The following PDLIM4 variants were observed in gnomAD, a reference collection of about 807,000 sequenced individuals.
The protein encoded by PDLIM4 is PDZ and LIM domain 4.
PDLIM4 carries 19 observed loss-of-function variants against 31.3 expected under a neutral mutation model. The observed-to-expected ratio is 0.61, with a 90% CI of 0.42 to 0.89. The LOEUF (loss-of-function observed/expected upper bound fraction) is 0.89, where lower values mean the gene tolerates loss of function less well. Ranked by LOEUF, PDLIM4 falls within the 40% of genes least tolerant of loss-of-function variation. The pLI, the probability that PDLIM4 is intolerant of heterozygous loss-of-function variation, is 0.00. For synonymous variants in PDLIM4, 176 were observed against 190.1 expected (o/e 0.93, Z 0.61); for missense variants, 442 against 461.1 (o/e 0.96, Z 0.38).
Position 132,272,301 on chromosome 5 carries a change from CCT to C in PDLIM4, c.*75_*76del. The C allele has an allele frequency of 7.8e-7, 1 of 1,285,174 alleles. No individual in the cohort carries two copies. The highest frequency in any genetic ancestry group is 1.1e-6 in the Non-Finnish European group (1 of 899,380). 79.6% of individuals were successfully genotyped at this position (1,285,174 alleles called of 1,614,324 possible). A position where few individuals can be genotyped will look rare whatever the true frequency, so the allele number is the denominator to read the frequency against. On this transcript the variant is annotated 3_prime_UTR_variant, in exon 7 of 7. Coordinates refer to ENST00000253754, the MANE Select transcript of PDLIM4 (RefSeq NM_003687.4). ...CGGTGTAAATATGTTTCACCCTGTC[CCT>C]CTAATAAAGCTCCTCTGCTCCACCT... is the stretch of plus-strand genomic sequence containing the variant.
rs1756278152 is a variant in PDLIM4, at chr5:132,257,834, C to G, written c.93+7C>G. On this transcript the variant is annotated splice_region_variant and intron_variant, in intron 1 of 6. Coordinates refer to ENST00000253754, the MANE Select transcript of PDLIM4 (RefSeq NM_003687.4). The surrounding 1 kb of genome is among the most constrained non-coding windows in gnomAD (Gnocchi z 4.3). ...GCCCCTCACCATCTCACGGGTGAGT[C>G]TGGCGGCTGCGTGGCGGCAGGGCGG... 2.1e-6 allele frequency: 3 copies of G among 1,459,966 alleles called. No individual in the cohort carries two copies. Among genetic ancestry groups the G allele is most frequent in the Non-Finnish European group, 2.7e-6 (3 of 1,100,980 alleles). 90.4% of individuals were successfully genotyped at this position (1,459,966 alleles called of 1,614,324 possible).
Position 132,272,018 on chromosome 5 carries a change from C to G in PDLIM4, c.789-7C>G, listed in dbSNP as rs763030938. ...TCGACGCTGTCCTGTCTCGTTCCCC[C>G]CATCAGGGGCACCATCGTCAAGGCA... On this transcript the variant is annotated splice_polypyrimidine_tract_variant and splice_region_variant and intron_variant, in intron 6 of 6. Transcript: ENST00000253754. The G allele has an allele frequency of 6.2e-6, 10 of 1,613,568 alleles. No homozygotes were observed. Among genetic ancestry groups the G allele is most frequent in the South Asian group, 5.5e-5 (5 of 91,074 alleles).
intron 2 of PDLIM4, among the ~76,000 whole-genome samples, chr5:132,264,465 T>C (rs1756446144): frequency 6.6e-6 from 1 of 152,138 alleles, no homozygotes; most frequent in Admixed American, 6.5e-5. Flanking sequence ...CAGAAAGTGA[T>C]TTAATCTCTT....
intron 1 of PDLIM4, among the ~76,000 whole-genome samples, chr5:132,260,848 C>T (rs936429470): frequency 2.0e-5 from 3 of 152,200 alleles, no homozygotes; most frequent in African/African-American, 7.2e-5. Context: ...CTGACCAGAA[C>T]TCCCCTAGCT....
chr5:132,267,634 G>T (rs1756519712), intron 3 of PDLIM4, among the ~76,000 whole-genome samples: 1 of 152,184 alleles, frequency 6.6e-6, no homozygotes, highest in African/African-American at 2.4e-5. Flanking sequence ...CAGGCAAAGG[G>T]GTATAGGGAG....
intron 1 of PDLIM4, 86 bp from the exon 2 acceptor site, chr5:132,262,523 T>G (rs1156854876): frequency 2.3e-6 from 3 of 1,281,584 alleles, no homozygotes; most frequent in Admixed American, 5.1e-5. Context: ...ACTGGCTAGG[T>G]TCTGAGGTTG....
rs761269106 is a variant in PDLIM4 at position 132,272,604 on chromosome 5, T to A, written c.*375T>A. ...GGGTGGGGTCAGGGAAAGTCTTAGC[T>A]GAGAACTAAGAGATGAGGGAGGCAC... On this transcript the variant is annotated 3_prime_UTR_variant, in exon 7 of 7. Transcript: ENST00000253754. 20 of 317,574 alleles carry A rather than the reference T, an allele frequency of 6.3e-5. No homozygotes were observed. Among genetic ancestry groups the A allele is most frequent in the Non-Finnish European group, 1.2e-4 (19 of 162,176 alleles). The allele number at this position is 317,574 out of a possible 1,614,324, so 19.7% of individuals were successfully genotyped here.
Position 132,262,663 on chromosome 5 carries a change from C to T in PDLIM4, c.148C>T (p.Gln50Ter). The T allele has an allele frequency of 6.2e-7, 1 of 1,612,630 alleles. No individual in the cohort carries two copies. Residue 50 changes from glutamine to a stop codon, truncating the protein, a stop_gained, in exon 2 of 7, where the codon CAG becomes TAG. Transcript: ENST00000253754. LOFTEE classifies it high-confidence loss of function. ...LAALCPGDLIQAINGESTELM... is the reference protein window; with the variant it reads ...LAALCPGDLI ...TGCCCTGTGCCCAGGAGACCTGATC[C>T]AGGCCATCAATGGTGAGAGCACAGA...
In PDLIM4 at chr5:132,273,443, C is replaced by T. The variant is rs1359934555; in HGVS notation, c.*1214C>T. 6 of 152,108 alleles carry T rather than the reference C, an allele frequency of 3.9e-5. No individual in the cohort carries two copies. The highest frequency in any genetic ancestry group is 1.2e-4 in the African/African-American group (5 of 41,420). The allele number at this position is 152,108 out of a possible 1,614,324, so 9.4% of individuals were successfully genotyped here. On this transcript the variant is annotated 3_prime_UTR_variant, in exon 7 of 7. Transcript: ENST00000253754. ...AGTCTGTTAAGTAAAATGTCATATG[C>T]GTTTGTTTTAATTTGCATTTCTCTG...
At position 132,272,891 on chromosome 5, in the gene PDLIM4, C is replaced by A. The variant is rs1756662380; in HGVS notation, c.*662C>A. ...AGCACTTTATTCTCCTCCGAGACCC[C>A]CTTTTCTTCCCCTTCCTCTCTCCCC... On this transcript the variant is annotated 3_prime_UTR_variant, in exon 7 of 7. Coordinates refer to ENST00000253754, the MANE Select transcript of PDLIM4 (RefSeq NM_003687.4). 6.6e-6 allele frequency: 1 copy of A among 152,642 alleles called. No individual in the cohort carries two copies. The allele number at this position is 152,642 out of a possible 1,614,324, so 9.5% of individuals were successfully genotyped here.
In PDLIM4 at chr5:132,262,709, C is replaced by T; in HGVS notation, c.194C>T (p.Ala65Val). ...ESTELMTHLE[A>V]QNRIKGCHDH... ...ACAGAGCTCATGACACACCTGGAGG[C>T]ACAGAACCGCATCAAGGGCTGCCAC... Residue 65 changes from alanine (A) to valine (V), a missense_variant, in exon 2 of 7, where the codon GCA becomes GTA. Coordinates refer to ENST00000253754, the MANE Select transcript of PDLIM4 (RefSeq NM_003687.4). The T allele has an allele frequency of 6.2e-7, 1 of 1,613,772 alleles. No homozygotes were observed. The highest frequency in any genetic ancestry group is 2.2e-5 in the East Asian group (1 of 44,876).
At position 132,271,341 on chromosome 5, in the gene PDLIM4, G is replaced by A. The variant is rs760359908; in HGVS notation, c.545G>A (p.Cys182Tyr). 19 of 1,601,720 alleles carry A rather than the reference G, an allele frequency of 1.2e-5. No homozygotes were observed. The East Asian group carries it at 3.8e-4, about 32-fold the overall frequency. ...AGAGGCCTCCCGCGGAGCCGGGACT[G>A]CAGAGTCGACCTGGGCTCCGAGGTG... ...PARGLPRSRD[C>Y]RVDLGSEVYR... is the part of the protein sequence containing the mutation. The change falls in exon 5 of 7, where the codon TGC becomes TAC. Residue 182 changes from cysteine to tyrosine, a missense_variant. Cys to Tyr is a radical substitution (Grantham distance 194). Transcript: ENST00000253754.
At chr5:132,269,485 C>T (rs1405870513) in intron 3 of PDLIM4, among the ~76,000 whole-genome samples, 2 of 151,184 alleles carry the variant, frequency 1.3e-5, no homozygotes, top group Non-Finnish European at 2.9e-5. Flanking sequence ...TAGGGGTTTT[C>T]CTGTTGCTGC....
At chr5:132,271,203 G>A (rs1216111142) in intron 4 of PDLIM4, 100 bp from the exon 5 acceptor site, 1 of 1,495,714 alleles carries the variant, frequency 6.7e-7, no homozygotes, top group Non-Finnish European at 9.2e-7. Flanking sequence ...TTGGGTCTTA[G>A]CTGGTTGCAT....
Position 132,272,851 on chromosome 5 carries a change from T to A in PDLIM4, c.*622T>A, listed in dbSNP as rs1756661501. Reference sequence around the variant, plus strand: ...TTTTTCTGGCATTTTCTGTTCCAGGTTTCTTCCACCCACGAGCACTTTATT... The same window carrying A: ...TTTTTCTGGCATTTTCTGTTCCAGGATTCTTCCACCCACGAGCACTTTATT... On this transcript the variant is annotated 3_prime_UTR_variant, in exon 7 of 7. Coordinates refer to ENST00000253754, the MANE Select transcript of PDLIM4 (RefSeq NM_003687.4). The A allele has an allele frequency of 1.3e-5, 2 of 154,194 alleles. No homozygotes were observed. Among genetic ancestry groups the A allele is most frequent in the African/African-American group, 4.8e-5 (2 of 41,400 alleles). The allele number at this position is 154,194 out of a possible 1,614,324, so 9.6% of individuals were successfully genotyped here.
chr5:132,263,943 T>C (rs1294224525), intron 2 of PDLIM4, among the ~76,000 whole-genome samples: 2 of 152,210 alleles, frequency 1.3e-5, no homozygotes, highest in East Asian at 3.8e-4. Context: ...CGGGGTTTCC[T>C]TTCCCATTAA....
chr5:132,263,003 TG>T (rs1756410875), intron 2 of PDLIM4, among the ~76,000 whole-genome samples: 1 of 152,250 alleles, frequency 6.6e-6, no homozygotes, highest in Non-Finnish European at 1.5e-5. Flanking sequence ...GGGGCACTTA[TG>T]GCAAGTGTTG....
chr5:132,266,583 G>A (rs1756497391), intron 3 of PDLIM4, 38 bp downstream of exon 3: 1 of 1,431,514 alleles, frequency 7.0e-7, no homozygotes, highest in Non-Finnish European at 9.8e-7. Flanking sequence ...CTGGCTCAGA[G>A]TGAGCCCAGG....
At position 132,271,399 on chromosome 5, in the gene PDLIM4, G is replaced by C. The variant is rs1236583031; in HGVS notation, c.603G>C (p.Val201=). 2 of 1,608,112 alleles carry C rather than the reference G, an allele frequency of 1.2e-6. No homozygotes were observed. The highest frequency in any genetic ancestry group is 3.3e-5 in the Admixed American group (2 of 60,000). The change falls in exon 5 of 7, where the codon GTG becomes GTC. Residue 201 remains valine (V), a synonymous_variant. Transcript: ENST00000253754. ...TGCTGCGGGAGCCAGCCGAGCCCGT[G>C]GCCGCGGAGCCCAAGCAGTCAGGCT... is the stretch of plus-strand genomic sequence containing the variant. ...YRMLREPAEP[V]AAEPKQSGSF... is the part of the protein sequence containing the mutation.
Sources: gnomAD v4.1 joint callset for allele counts (sites outside exome capture counted in the v4.1 genomes callset) on GRCh38, gnomAD v4.1.1 for gene constraint, Gnocchi (gnomAD v3.1) non-coding constraint, MANE v1.5 for transcripts, NCBI Gene and HGNC (gene_info 2026-07-23, HGNC 2026-07-21) for gene names.